GRAMD2B: variants seen among roughly 807,000 people sequenced by gnomAD.
The protein encoded by GRAMD2B is GRAM domain containing 2B.
A neutral mutation model predicts 59.2 loss-of-function variants in GRAMD2B; 41 were observed. The observed-to-expected ratio is 0.69, with a 90% CI of 0.54 to 0.90. The LOEUF (loss-of-function observed/expected upper bound fraction) is 0.90, where lower values mean the gene tolerates loss of function less well. GRAMD2B is among the 40% of genes least tolerant of loss of function. The pLI is 0.00. For synonymous variants in GRAMD2B, 161 were observed against 182.7 expected, an observed-to-expected ratio of 0.88 and a Z score of 0.96; for missense variants, 424 against 500.5, an observed-to-expected ratio of 0.85 and a Z score of 1.46.
intron 1 of GRAMD2B, among the ~76,000 whole-genome samples, chr5:126,394,754 A>G (rs1424730470): frequency 3.3e-5 from 5 of 152,254 alleles, no homozygotes; most frequent in Non-Finnish European, 7.3e-5. Flanking sequence ...AAATTTAAAT[A>G]TACATACAGA....
chr5:126,429,983 ACT>A (rs1390591235), intron 1 of GRAMD2B, among the ~76,000 whole-genome samples: 1 of 152,158 alleles, frequency 6.6e-6, no homozygotes, highest in African/African-American at 2.4e-5. Flanking sequence ...TTACTCATGG[ACT>A]CTCAGCTTTA....
intron 12 of GRAMD2B, among the ~76,000 whole-genome samples, chr5:126,487,793 A>G (rs1773227848): frequency 6.6e-6 from 1 of 152,224 alleles, no homozygotes; most frequent in Non-Finnish European, 1.5e-5. Flanking sequence ...TAATTAGTTT[A>G]ATGTCTTACA....
chr5:126,395,601 C>T (rs1299235615), intron 1 of GRAMD2B, among the ~76,000 whole-genome samples: 4 of 152,036 alleles, frequency 2.6e-5, no homozygotes, highest in African/African-American at 9.7e-5. Flanking sequence ...TTTTAAATTG[C>T]TAAGATGAAT....
At chr5:126,389,037 G>C (rs180829735) in intron 1 of GRAMD2B, among the ~76,000 whole-genome samples, 4 of 152,240 alleles carry the variant, frequency 2.6e-5, no homozygotes, top group African/African-American at 9.6e-5. Context: ...ACCACAAAGT[G>C]ACTTTACTAA....
intron 1 of GRAMD2B, among the ~76,000 whole-genome samples, chr5:126,426,876 GAT>G (rs751183874): frequency 2.0e-5 from 3 of 152,156 alleles, no homozygotes; most frequent in Non-Finnish European, 2.9e-5. Flanking sequence ...TGAAGCTGCT[GAT>G]ACACTCATCA....
At chr5:126,483,706 A>T in intron 9 of GRAMD2B, 132 bp downstream of exon 9, 1 of 595,278 alleles carries the variant, frequency 1.7e-6, no homozygotes, top group Non-Finnish European at 2.9e-6. Context: ...AAAATCAGGA[A>T]TGGAATCTGG....
At position 126,444,271 on chromosome 5, in the gene GRAMD2B, A is replaced by G. The variant is rs111232980; in HGVS notation, c.83+20582A>G. 3.7e-3 allele frequency among the ~76,000 whole-genome samples: 556 copies of G among 152,320 alleles called. 4 individuals carry two copies. Among genetic ancestry groups the G allele is most frequent in the African/African-American group, 0.013 (532 of 41,572 alleles). On this transcript the variant is annotated intron_variant, in intron 1 of 13. Transcript: ENST00000285689. ...CTACTGAGCAAACCATACTGTGCAG[A>G]TGTCTGTCTGCCTTAAGAACAAGCT...
chr5:126,410,004 T>C (rs768462234), intron 1 of GRAMD2B, among the ~76,000 whole-genome samples: 3 of 150,362 alleles, frequency 2.0e-5, no homozygotes, highest in Admixed American at 6.7e-5. Context: ...GTTGTAGATA[T>C]GCGGCTTTAT....
intron 1 of GRAMD2B, among the ~76,000 whole-genome samples, chr5:126,407,941 TTTTA>T (rs1758401199): frequency 6.6e-6 from 1 of 151,996 alleles, no homozygotes; most frequent in South Asian, 2.1e-4. Context: ...ACGAGTATCT[TTTTA>T]TTTTTTTTTA....
intron 6 of GRAMD2B, among the ~76,000 whole-genome samples, chr5:126,478,586 C>A (rs1254048027): frequency 1.3e-5 from 2 of 151,712 alleles, no homozygotes; most frequent in East Asian, 3.9e-4. Context: ...TCAAAAAATA[C>A]AAAAATTAGC....
intron 1 of GRAMD2B, among the ~76,000 whole-genome samples, chr5:126,445,168 G>T (rs1318735584): frequency 2.0e-5 from 3 of 152,150 alleles, no homozygotes; most frequent in Non-Finnish European, 4.4e-5. Context: ...ACTTGTGCCT[G>T]TATCTTTATA....
chr5:126,387,181 G>A (rs192617703), intron 1 of GRAMD2B, among the ~76,000 whole-genome samples: 1 of 150,602 alleles, frequency 6.6e-6, no homozygotes, highest in Non-Finnish European at 1.5e-5. Flanking sequence ...AAGTAAACAT[G>A]GAAATAAATA....
At chr5:126,370,057 C>T (rs142283062), upstream of GRAMD2B, among the ~76,000 whole-genome samples, 108 of 152,244 alleles carry the variant, frequency 7.1e-4, no homozygotes, top group African/African-American at 2.3e-3. Context: ...AAGCTGGGGG[C>T]GGTGCACCTT....
At chr5:126,441,452 C>T (rs994819005) in intron 1 of GRAMD2B, among the ~76,000 whole-genome samples, 3 of 152,216 alleles carry the variant, frequency 2.0e-5, no homozygotes, top group South Asian at 2.1e-4. Context: ...TCAGGGCCCC[C>T]GTCCTCTACT....
At chr5:126,383,611 A>G (rs1468230712) in intron 1 of GRAMD2B, among the ~76,000 whole-genome samples, 2 of 151,292 alleles carry the variant, frequency 1.3e-5, no homozygotes, top group Non-Finnish European at 2.9e-5. Context: ...GGTAACAGGA[A>G]AAAAAAAAGT....
Position 126,483,587 on chromosome 5 carries a change from G to A in GRAMD2B, c.847+13G>A. ...GAGAACTCTCGAGGTTTGGGAAATT[G>A]TTGTATTTTGACTAAAATTTAATTC... On this transcript the variant is annotated intron_variant, in intron 9 of 13. Coordinates refer to ENST00000285689, the MANE Select transcript of GRAMD2B (RefSeq NM_023927.4). The A allele has an allele frequency of 6.9e-7, 1 of 1,452,076 alleles. No individual in the cohort carries two copies. The highest frequency in any genetic ancestry group is 9.6e-7 in the Non-Finnish European group (1 of 1,038,412). The allele number at this position is 1,452,076 out of a possible 1,614,324, so 89.9% of individuals were successfully genotyped here.
intron 1 of GRAMD2B, among the ~76,000 whole-genome samples, chr5:126,444,198 A>G (rs1763794659): frequency 6.6e-6 from 1 of 152,182 alleles, no homozygotes; most frequent in Non-Finnish European, 1.5e-5. Context: ...GGTGGTGGCA[A>G]GAGAATTTAT....
At chr5:126,419,852 C>T (rs1399219788), upstream of GRAMD2B, among the ~76,000 whole-genome samples, 3 of 151,944 alleles carry the variant, frequency 2.0e-5, no homozygotes, top group African/African-American at 4.8e-5. Context: ...GTCAGGAGTT[C>T]GAGACCAGCC....
rs573779418 is a variant in GRAMD2B at position 126,395,467 on chromosome 5, G to T, written c.125+23900G>T. ...CAAGGCTGGGGAGAGAAGCAATGGG[G>T]AAATTCCAGAGGTGACTCTCACTGA... On this transcript the variant is annotated intron_variant, in intron 1 of 8. Coordinates refer to the GRAMD2B transcript ENST00000506445. Among the ~76,000 whole-genome samples the T allele has an allele frequency of 4.6e-5, 7 of 152,268 alleles. No homozygotes were observed. The South Asian group carries it at 1.5e-3, about 32-fold the overall frequency.
Sources: gnomAD v4.1 joint callset for allele counts (sites outside exome capture counted in the v4.1 genomes callset) on GRCh38, gnomAD v4.1.1 for gene constraint, MANE v1.5 for transcripts, NCBI Gene and HGNC (gene_info 2026-07-23, HGNC 2026-07-21) for gene names.